Variants in AGBL4 observed in about 807,000 individuals in gnomAD.
AGBL4 encodes the protein AGBL carboxypeptidase 4, also known as cytosolic carboxypeptidase 6.
Under a neutral mutation model 66.4 loss-of-function variants are expected in AGBL4, and 58 were observed. The observed-to-expected ratio is 0.87, with a 90% CI of 0.71 to 1.09. AGBL4 has a LOEUF of 1.09. Among genes scored for constraint, AGBL4 ranks in the 50% least tolerant of loss-of-function variants. The pLI is 0.00. For synonymous variants in AGBL4, 234 were observed against 222.9 expected, an observed-to-expected ratio of 1.05 and a Z score of -0.44; for missense variants, 579 against 631.0, an observed-to-expected ratio of 0.92 and a Z score of 0.88.
intron 6 of AGBL4, among the ~76,000 whole-genome samples, chr1:48,682,864 T>G (rs1054650861): frequency 6.6e-6 from 1 of 152,218 alleles, no homozygotes. Flanking sequence ...ACAACCCTTG[T>G]CTGCCTCATT....
Position 50,016,626 on chromosome 1 carries a change from CAT to C in AGBL4, c.34+7135_34+7136del, listed in dbSNP as rs567581694. On this transcript the variant is annotated intron_variant, in intron 1 of 13. Transcript: ENST00000371839. ...AGATGAACAGGCAGTTCTCAGAAGA[CAT>C]ATATGTGGCCAACAAGCAATGCTCA... Among the ~76,000 whole-genome samples the C allele has an allele frequency of 1.9e-3, 283 of 152,182 alleles. 2 individuals are homozygous for C. The highest frequency in any genetic ancestry group is 6.5e-3 in the African/African-American group (269 of 41,524).
chr1:49,819,961 T>C (rs1645325673), intron 2 of AGBL4, among the ~76,000 whole-genome samples: 2 of 152,126 alleles, frequency 1.3e-5, no homozygotes, highest in Non-Finnish European at 2.9e-5. Flanking sequence ...CAGTAATAAA[T>C]GGCTTCGCAG....
At chr1:49,257,354 CGTAA>C (rs1360519483) in intron 3 of AGBL4, 1 of 156,440 alleles carries the variant, frequency 6.4e-6, no homozygotes, top group African/African-American at 2.4e-5. Flanking sequence ...GCTTTGTTTA[CGTAA>C]GCGAGCCTCA....
At chr1:49,710,423 A>G (rs913924790) in intron 2 of AGBL4, among the ~76,000 whole-genome samples, 3 of 152,080 alleles carry the variant, frequency 2.0e-5, no homozygotes, top group Non-Finnish European at 4.4e-5. Context: ...GGAACATTAC[A>G]CACTGGGCCT....
At chr1:49,949,067 A>T (rs1435559703) in intron 1 of AGBL4, among the ~76,000 whole-genome samples, 1 of 151,580 alleles carries the variant, frequency 6.6e-6, no homozygotes, top group African/African-American at 2.4e-5. Context: ...TCTTTGACAA[A>T]GCAGACAAAA....
At chr1:49,492,960 G>A (rs1361295046) in intron 3 of AGBL4, among the ~76,000 whole-genome samples, 6 of 151,962 alleles carry the variant, frequency 3.9e-5, no homozygotes, top group Admixed American at 3.9e-4. Flanking sequence ...GGTGGAAGGG[G>A]AAGCAAACAT....
At chr1:49,482,272 A>G (rs1646970692) in intron 3 of AGBL4, among the ~76,000 whole-genome samples, 1 of 151,748 alleles carries the variant, frequency 6.6e-6, no homozygotes, top group Non-Finnish European at 1.5e-5. Context: ...GGTAGGTAGG[A>G]CCAGGTTTAT....
At chr1:49,777,096 G>A (rs892862522) in intron 2 of AGBL4, among the ~76,000 whole-genome samples, 2 of 152,172 alleles carry the variant, frequency 1.3e-5, no homozygotes, top group Non-Finnish European at 2.9e-5. Flanking sequence ...GATTTAAAAT[G>A]CTGGAGCTTA....
chr1:49,856,175 T>C (rs1217954821), intron 1 of AGBL4, among the ~76,000 whole-genome samples: 5 of 151,974 alleles, frequency 3.3e-5, no homozygotes. Context: ...ATATAACCTA[T>C]AAAGACTGAA....
intron 6 of AGBL4, among the ~76,000 whole-genome samples, chr1:48,704,691 G>A (rs1044651819): frequency 1.3e-5 from 2 of 152,150 alleles, no homozygotes; most frequent in African/African-American, 4.8e-5. Flanking sequence ...ACACGGGAAG[G>A]TCTTCAGGGG....
chr1:49,349,766 T>C (rs1162184604), intron 3 of AGBL4, among the ~76,000 whole-genome samples: 1 of 152,136 alleles, frequency 6.6e-6, no homozygotes, highest in African/African-American at 2.4e-5. Context: ...CGTGGCTATA[T>C]TTAGAAATAG....
At chr1:49,092,979 T>G (rs1469918190) in intron 4 of AGBL4, among the ~76,000 whole-genome samples, 1 of 152,094 alleles carries the variant, frequency 6.6e-6, no homozygotes, top group African/African-American at 2.4e-5. Context: ...CTTCTTTTAT[T>G]TCACAAGAAG....
chr1:48,727,840 C>T (rs1158561990), intron 6 of AGBL4: 4 of 1,549,726 alleles, frequency 2.6e-6, no homozygotes, highest in South Asian at 2.4e-5. Flanking sequence ...TCGCAAATCA[C>T]ATGCCACACA....
intron 4 of AGBL4, among the ~76,000 whole-genome samples, chr1:49,120,631 T>C (rs1645633246): frequency 6.6e-6 from 1 of 152,190 alleles, no homozygotes; most frequent in African/African-American, 2.4e-5. Flanking sequence ...CTTAACATTT[T>C]TTCCTTGGTG....
At chr1:48,862,479 G>A (rs1647571846) in intron 6 of AGBL4, among the ~76,000 whole-genome samples, 1 of 151,994 alleles carries the variant, frequency 6.6e-6, no homozygotes, top group Non-Finnish European at 1.5e-5. Context: ...CCGCCACCAC[G>A]CTCGGCTAAT....
At chr1:49,739,925 C>T (rs1650277925) in intron 2 of AGBL4, among the ~76,000 whole-genome samples, 1 of 152,262 alleles carries the variant, frequency 6.6e-6, no homozygotes, top group East Asian at 1.9e-4. Flanking sequence ...AAAGGAACAA[C>T]CAGTACCGGC....
intron 5 of AGBL4, among the ~76,000 whole-genome samples, chr1:48,953,087 A>G (rs1657137334): frequency 6.6e-6 from 1 of 152,118 alleles, no homozygotes; most frequent in Non-Finnish European, 1.5e-5. Context: ...ACAGAATATC[A>G]TTTCTCAGTT....
chr1:49,253,506 G>T (rs989448149), intron 3 of AGBL4, among the ~76,000 whole-genome samples: 19 of 151,916 alleles, frequency 1.3e-4, no homozygotes, highest in Admixed American at 1.2e-3. Flanking sequence ...GACAAATAAC[G>T]AGTTCTAAAA....
At chr1:48,928,380 T>C (rs1255166989) in intron 5 of AGBL4, among the ~76,000 whole-genome samples, 1 of 152,202 alleles carries the variant, frequency 6.6e-6, no homozygotes, top group East Asian at 1.9e-4. Context: ...CCCCCAATTT[T>C]AGTATGTATT....
Sources: allele counts gnomAD v4.1 joint callset (sites outside exome capture counted in the v4.1 genomes callset), GRCh38; gene constraint gnomAD v4.1.1; transcripts MANE v1.5; gene names NCBI Gene and HGNC (gene_info 2026-07-23, HGNC 2026-07-21).